The following NCKAP5L variants were observed in gnomAD, a reference collection of about 807,000 sequenced individuals.
NCKAP5L encodes the protein NCK associated protein 5 like.
NCKAP5L carries 54 observed loss-of-function variants against 103.2 expected under a neutral mutation model. That is an observed-to-expected ratio of 0.52 (90% CI 0.42 to 0.66). The LOEUF (loss-of-function observed/expected upper bound fraction) is 0.66. NCKAP5L is among the 30% of genes least tolerant of loss of function. NCKAP5L has a pLI of 0.00. For synonymous variants in NCKAP5L, 762 were observed against 748.6 expected, an observed-to-expected ratio of 1.02 and a Z score of -0.29; for missense variants, 1,733 against 1,750.6, an observed-to-expected ratio of 0.99 and a Z score of 0.18.
chr12:49,804,057 A>T lies in NCKAP5L; in HGVS notation c.-13T>A. The T allele has an allele frequency of 6.2e-7, 1 of 1,608,126 alleles. No homozygotes were observed. The highest frequency in any genetic ancestry group is 1.7e-4 in the Middle Eastern group (1 of 6,028). On this transcript the variant is annotated 5_prime_UTR_variant, in exon 3 of 13. Transcript: ENST00000335999. ...TGGCCTCTGACATCTGGCCCTGGGAACAAGGAAGAGAAGCCCCGGCAGGCT... is the reference window on the plus strand; with the variant it reads ...TGGCCTCTGACATCTGGCCCTGGGATCAAGGAAGAGAAGCCCCGGCAGGCT...
rs1945962074 is a variant in NCKAP5L at position 49,792,852 on chromosome 12, G to A, written c.3475C>T (p.Pro1159Ser). Residue 1159 changes from proline (P) to serine (S), a missense_variant, in exon 11 of 13, where the codon CCC (proline) becomes TCC (serine). Transcript: ENST00000335999. The surrounding 1 kb of genome is among the most constrained non-coding windows in gnomAD (Gnocchi z 4.5). ...PPRLDPPPGV[P>S]PARPPPLTKV... is the part of the protein sequence containing the mutation. ...GTAAGGGGTGGGGGCCGAGCTGGGG[G>A]TACCCCAGGTGGGGGATCCAGCCGC... 5 of 1,549,932 alleles carry A rather than the reference G, an allele frequency of 3.2e-6. No homozygotes were observed. Among genetic ancestry groups the A allele is most frequent in the Non-Finnish European group, 3.5e-6 (4 of 1,152,316 alleles).
chr12:49,797,381 T>C lies in NCKAP5L; in HGVS notation c.479A>G (p.Gln160Arg). The C allele has an allele frequency of 6.2e-7, 1 of 1,605,936 alleles. No homozygotes were observed. Among genetic ancestry groups the C allele is most frequent in the East Asian group, 2.2e-5 (1 of 44,780 alleles). The change falls in exon 8 of 13, where the codon CAG (glutamine) becomes CGG (arginine). Residue 160 changes from glutamine (Q) to arginine (R), a missense_variant. Coordinates refer to ENST00000335999, the MANE Select transcript of NCKAP5L (RefSeq NM_001037806.4). The surrounding 1 kb of genome is among the most constrained non-coding windows in gnomAD (Gnocchi z 4.5). ...CAGQREVCWE[Q>R]QLRPGGPGPP... Reference sequence around the variant, plus strand: ...GCCTGGGCCTCCTGGCCTCAGCTGCTGCTCCCAACATACCTTAGGGGAGAG... The same window carrying C: ...GCCTGGGCCTCCTGGCCTCAGCTGCCGCTCCCAACATACCTTAGGGGAGAG...
chr12:49,821,242 A>G (rs1946358238), intron 1 of NCKAP5L, among the ~76,000 whole-genome samples: 1 of 152,198 alleles, frequency 6.6e-6, no homozygotes, highest in Admixed American at 6.5e-5. Flanking sequence ...GGAAGTGAGA[A>G]GCAAACCCCC....
At chr12:49,811,327 G>GCA (rs1477937866) in intron 1 of NCKAP5L, among the ~76,000 whole-genome samples, 1 of 152,096 alleles carries the variant, frequency 6.6e-6, no homozygotes, top group Non-Finnish European at 1.5e-5. Context: ...GCCATGAGTA[G>GCA]CACACACCCT....
chr12:49,820,517 G>A (rs150655201), intron 1 of NCKAP5L, among the ~76,000 whole-genome samples: 2,180 of 152,072 alleles, frequency 0.014, 56 homozygotes, highest in African/African-American at 0.05. Context: ...GTGTTTCACC[G>A]TGTTAGCCAG....
intron 9 of NCKAP5L, 124 bp downstream of exon 9, chr12:49,793,610 C>A: frequency 7.6e-7 from 1 of 1,323,694 alleles, no homozygotes; most frequent in South Asian, 1.5e-5. Context: ...CCCAGTCTCC[C>A]CGTAGAGACT....
chr12:49,797,090 C>A lies in NCKAP5L; in HGVS notation c.770G>T (p.Trp257Leu). 1.9e-6 allele frequency: 3 copies of A among 1,586,962 alleles called. No individual in the cohort carries two copies. Among genetic ancestry groups the A allele is most frequent in the African/African-American group, 1.3e-5 (1 of 74,520 alleles). Reference sequence around the variant, plus strand: ...TCCCAGACCCCCCAAGAGGCGCTCCCAGTGCAGCAGGCCTCCCAGGTTGCC... The same window carrying A: ...TCCCAGACCCCCCAAGAGGCGCTCCAAGTGCAGCAGGCCTCCCAGGTTGCC... ...GPGNLGGLLH[W>L]ERLLGGLGGE... The change falls in exon 8 of 13, where the codon TGG becomes TTG. Residue 257 changes from tryptophan (W) to leucine (L), a missense_variant. Trp to Leu is a moderately conservative substitution (Grantham distance 61, BLOSUM62 -2). Coordinates refer to ENST00000335999, the MANE Select transcript of NCKAP5L (RefSeq NM_001037806.4). This position sits in a 1 kb window ranked among gnomAD's most constrained non-coding sequence, Gnocchi z 4.5.
At chr12:49,821,061 G>A (rs1381393446) in intron 1 of NCKAP5L, among the ~76,000 whole-genome samples, 1 of 152,218 alleles carries the variant, frequency 6.6e-6, no homozygotes, top group African/African-American at 2.4e-5. Flanking sequence ...GGGGTAAGGA[G>A]CTCGGCAGGG....
intron 1 of NCKAP5L, among the ~76,000 whole-genome samples, chr12:49,823,305 G>T (rs1334093616): frequency 6.6e-6 from 1 of 152,094 alleles, no homozygotes; most frequent in Admixed American, 6.5e-5. Context: ...CTGTGGGCAG[G>T]TTCTGGGGGT....
At position 49,803,276 on chromosome 12, in the gene NCKAP5L, C is replaced by G. The variant is rs571862879; in HGVS notation, c.124-111G>C. The G allele has an allele frequency of 3.0e-5, 29 of 980,428 alleles. No homozygotes were observed. In the African/African-American group the frequency reaches 3.5e-4, roughly 12 times the overall value. The allele number at this position is 980,428 out of a possible 1,614,324, so 60.7% of individuals were successfully genotyped here. On this transcript the variant is annotated intron_variant, in intron 3 of 12. Transcript: ENST00000335999. Reference sequence around the variant, plus strand: ...GGCAACTACAGGGGTGCTAACTATACCCCCACTCCAGCTCTTGGCTGTGAG... The same window carrying G: ...GGCAACTACAGGGGTGCTAACTATAGCCCCACTCCAGCTCTTGGCTGTGAG...
Position 49,792,000 on chromosome 12 carries a change from T to C in NCKAP5L, c.3844A>G (p.Thr1282Ala). ...RSQEPSRPSP[T>A]PQGPPFGGSR... ...CCCCCGAAAGGTGGGCCCTGGGGCG[T>C]AGGGGACGGGCGGCTGGGCTCCTGG... The change falls in exon 13 of 13, where the codon ACG becomes GCG. Residue 1282 changes from threonine to alanine, a missense_variant. Physicochemically the swap from Thr to Ala is moderately conservative, Grantham distance 58. Transcript: ENST00000335999. 1 of 1,591,084 alleles carries C rather than the reference T, an allele frequency of 6.3e-7. No individual in the cohort carries two copies.
chr12:49,792,331 G>A lies in NCKAP5L; in HGVS notation c.3792+115C>T, dbSNP rs1486797396. On this transcript the variant is annotated intron_variant, in intron 12 of 12. Transcript: ENST00000335999. This position sits in a 1 kb window ranked among gnomAD's most constrained non-coding sequence, Gnocchi z 4.5. Reference sequence around the variant, plus strand: ...ATCCCAGGGGTCCTCCTCCCAGAGGGTGCAGCACTGAGACTGTGCGACACA... The same window carrying A: ...ATCCCAGGGGTCCTCCTCCCAGAGGATGCAGCACTGAGACTGTGCGACACA... The A allele has an allele frequency of 6.5e-7, 1 of 1,543,830 alleles. No homozygotes were observed. Among genetic ancestry groups the A allele is most frequent in the Non-Finnish European group, 8.7e-7 (1 of 1,144,462 alleles).
chr12:49,793,927 G>A, intron 8 of NCKAP5L, 31 bp from the exon 9 acceptor site: 1 of 1,449,606 alleles, frequency 6.9e-7, no homozygotes, highest in Non-Finnish European at 9.1e-7. Flanking sequence ...ATAGGTGAGG[G>A]TGGTCTTGCC....
Position 49,801,990 on chromosome 12 carries a change from C to A in NCKAP5L, c.232-23G>T, listed in dbSNP as rs768867403. On this transcript the variant is annotated intron_variant, in intron 5 of 12. Transcript: ENST00000335999. ...GTCCTGCCGCCCACCCCGGGAAGTGCAGGAAGAAGAGGTGAGGATGGTGGG... is the reference window on the plus strand; with the variant it reads ...GTCCTGCCGCCCACCCCGGGAAGTGAAGGAAGAAGAGGTGAGGATGGTGGG... The A allele has an allele frequency of 8.7e-6, 14 of 1,612,514 alleles. No homozygotes were observed. In the Admixed American group the frequency reaches 2.3e-4, roughly 27 times the overall value.
rs779647487 is a variant in NCKAP5L, at chr12:49,795,636, C to T, written c.2224G>A (p.Gly742Arg). ...CGGGCCCCGGGATCCCCCATAAGTCCAGGTTCCTGCTGCTTCAGGCTGTTT... is the reference window on the plus strand; with the variant it reads ...CGGGCCCCGGGATCCCCCATAAGTCTAGGTTCCTGCTGCTTCAGGCTGTTT... ...GTNSLKQQEP[G>R]LMGDPGARVY... The change falls in exon 8 of 13, where the codon GGA becomes AGA. Residue 742 changes from glycine (G) to arginine (R), a missense_variant. Transcript: ENST00000335999. 2 of 1,610,128 alleles carry T rather than the reference C, an allele frequency of 1.2e-6. No homozygotes were observed. The highest frequency in any genetic ancestry group is 2.2e-5 in the East Asian group (1 of 44,846).
At chr12:49,825,409 T>A (rs2137047522) in intron 1 of NCKAP5L, among the ~76,000 whole-genome samples, 1 of 152,256 alleles carries the variant, frequency 6.6e-6, no homozygotes, top group East Asian at 1.9e-4. Flanking sequence ...GCACTTGTTT[T>A]GAGAGATGCA....
rs769104984 is a variant in NCKAP5L at position 49,796,157 on chromosome 12, C to T, written c.1703G>A (p.Arg568Lys). Residue 568 changes from arginine (R) to lysine (K), a missense_variant, in exon 8 of 13, where the codon AGG becomes AAG. Transcript: ENST00000335999. ...TGGAGGTGGCTCTGGGGAAGGCCCC[C>T]TAAAGGTGCTCCGAGAAAGGTCCAG... is the stretch of plus-strand genomic sequence containing the variant. ...NILDLSRSTF[R>K]GPSPEPPPSP... 2 of 1,610,942 alleles carry T rather than the reference C, an allele frequency of 1.2e-6. No individual in the cohort carries two copies. Among genetic ancestry groups the T allele is most frequent in the Non-Finnish European group, 8.5e-7 (1 of 1,178,854 alleles).
intron 8 of NCKAP5L, among the ~76,000 whole-genome samples, chr12:49,794,439 C>T (rs1945990749): frequency 6.6e-6 from 1 of 152,208 alleles, no homozygotes; most frequent in Non-Finnish European, 1.5e-5. Context: ...AGGGAGAAGA[C>T]CTTTATCAGC....
In NCKAP5L at chr12:49,795,062, C is replaced by T. The variant is rs74484201; in HGVS notation, c.2798G>A (p.Arg933His). The T allele has an allele frequency of 2.5e-4, 396 of 1,611,066 alleles. 1 individual carries two copies. The highest frequency in any genetic ancestry group is 2.7e-4 in the Non-Finnish European group (323 of 1,178,854). The change falls in exon 8 of 13, where the codon CGC becomes CAC. Residue 933 changes from arginine to histidine, a missense_variant. Arg to His is a conservative substitution (Grantham distance 29). Coordinates refer to ENST00000335999, the MANE Select transcript of NCKAP5L (RefSeq NM_001037806.4). ...CTTGTTCTTGGTGGCCTCTGTGCGGCGGTTCAGCGCTGGCAGCTTGCTCTT... is the reference window on the plus strand; with the variant it reads ...CTTGTTCTTGGTGGCCTCTGTGCGGTGGTTCAGCGCTGGCAGCTTGCTCTT... ...LKKSKLPALN[R>H]RTEATKNKEG...
Sources: allele counts gnomAD v4.1 joint callset (sites outside exome capture counted in the v4.1 genomes callset), GRCh38; gene constraint gnomAD v4.1.1; non-coding constraint Gnocchi (gnomAD v3.1); transcripts MANE v1.5; gene names NCBI Gene and HGNC (gene_info 2026-07-23, HGNC 2026-07-21).